NEK10: variants seen among roughly 807,000 people sequenced by gnomAD.
NEK10 encodes the protein NIMA related kinase 10.
NEK10 carries 122 observed loss-of-function variants against 159.8 expected under a neutral mutation model. The observed-to-expected ratio is 0.76, with a 90% CI of 0.66 to 0.89. The LOEUF (loss-of-function observed/expected upper bound fraction) is 0.89. Among genes scored for constraint, NEK10 ranks in the 40% least tolerant of loss-of-function variants. The pLI, the probability that NEK10 is intolerant of heterozygous loss-of-function variation, is 0.00. For missense variants in NEK10, 1,342 were observed against 1,323.1 expected (o/e 1.01, Z -0.22); for synonymous variants, 466 against 457.1 (o/e 1.02, Z -0.25).
chr3:27,139,783 C>A (rs1215219410), intron 31 of NEK10, among the ~76,000 whole-genome samples: 1 of 152,146 alleles, frequency 6.6e-6, no homozygotes, highest in African/African-American at 2.4e-5. Flanking sequence ...GAGAGACGGG[C>A]TCATTGGGGT....
chr3:27,113,506 T>A (rs746429928), intron 35 of NEK10, among the ~76,000 whole-genome samples: 3 of 151,604 alleles, frequency 2.0e-5, no homozygotes, highest in Non-Finnish European at 2.9e-5. Context: ...TAAATGTGAT[T>A]CATTTTAATT....
At position 27,369,029 on chromosome 3, in the gene NEK10, A is replaced by G. The variant is rs1429447883; in HGVS notation, c.-38+196T>C. The G allele has an allele frequency of 2.6e-5, 4 of 152,268 alleles. No individual in the cohort carries two copies. Among genetic ancestry groups the G allele is most frequent in the Non-Finnish European group, 5.9e-5 (4 of 68,076 alleles). The allele number at this position is 152,268 out of a possible 1,614,324, so 9.4% of individuals were successfully genotyped here. ...CCATCCATCCGTCCAACACAAACCC[A>G]CCTGCTTTGAAAAGACTGCCTCACG... On this transcript the variant is annotated intron_variant, in intron 1 of 35. Coordinates refer to ENST00000691995, the MANE Select transcript of NEK10 (RefSeq NM_001394966.1). The surrounding 1 kb of genome is among the most constrained non-coding windows in gnomAD (Gnocchi z 4.2).
chr3:27,132,789 A>G (rs1942772975), intron 31 of NEK10, among the ~76,000 whole-genome samples: 2 of 152,150 alleles, frequency 1.3e-5, no homozygotes, highest in Admixed American at 1.3e-4. Flanking sequence ...TGGAAATAAT[A>G]TTTGGTTTTG....
chr3:27,203,714 T>C (rs1458085201), intron 23 of NEK10, among the ~76,000 whole-genome samples: 2 of 152,090 alleles, frequency 1.3e-5, no homozygotes, highest in Non-Finnish European at 2.9e-5. Flanking sequence ...AATTTATAAA[T>C]TGGCATCAAA....
intron 13 of NEK10, among the ~76,000 whole-genome samples, chr3:27,298,396 C>T (rs545553036): frequency 3.3e-4 from 50 of 152,258 alleles, no homozygotes; most frequent in Non-Finnish European, 5.1e-4. Flanking sequence ...CCTTGCCTTC[C>T]GCCATGATTG....
intron 26 of NEK10, among the ~76,000 whole-genome samples, chr3:27,176,043 G>T (rs1186224097): frequency 6.6e-6 from 1 of 152,096 alleles, no homozygotes; most frequent in African/African-American, 2.4e-5. Flanking sequence ...AATAGAATTT[G>T]CAGATGAAGA....
At chr3:27,299,517 G>C (rs2043630247) in intron 13 of NEK10, among the ~76,000 whole-genome samples, 1 of 152,186 alleles carries the variant, frequency 6.6e-6, no homozygotes, top group African/African-American at 2.4e-5. Flanking sequence ...CCCACACAGA[G>C]TCCCTGCTGG....
intron 22 of NEK10, among the ~76,000 whole-genome samples, chr3:27,281,199 G>A (rs1328666521): frequency 6.6e-6 from 1 of 151,886 alleles, no homozygotes; most frequent in Non-Finnish European, 1.5e-5. Flanking sequence ...TTTAAATTAG[G>A]AGATCATTTT....
At chr3:27,250,025 C>T (rs540048692) in intron 23 of NEK10, among the ~76,000 whole-genome samples, 2 of 152,088 alleles carry the variant, frequency 1.3e-5, no homozygotes, top group Non-Finnish European at 2.9e-5. Context: ...ATTTTGTCCC[C>T]CCACTTTTTA....
chr3:27,266,404 G>A (rs533991147), intron 22 of NEK10, among the ~76,000 whole-genome samples: 1 of 152,060 alleles, frequency 6.6e-6, no homozygotes, highest in Non-Finnish European at 1.5e-5. Flanking sequence ...ATGGGGATTT[G>A]CAACTGTTCC....
At chr3:27,322,480 T>C (rs1362801531) in intron 5 of NEK10, among the ~76,000 whole-genome samples, 1 of 152,166 alleles carries the variant, frequency 6.6e-6, no homozygotes, top group African/African-American at 2.4e-5. Context: ...CCAAACTTAT[T>C]TGGTTCATGC....
chr3:27,171,740 A>G, intron 29 of NEK10, 79 bp downstream of exon 29: 1 of 1,457,658 alleles, frequency 6.9e-7, no homozygotes, highest in Non-Finnish European at 9.5e-7. Context: ...ACTTCTGGCT[A>G]TCAGGTTTCA....
rs532090809 is a variant in NEK10, at chr3:27,106,547, A to G, written c.*4725T>C. ...TACAAGCTTTATATTCTATTTCAGA[A>G]TCTTGACTCAAATGGCACTTGAAAT... On this transcript the variant is annotated 3_prime_UTR_variant, in exon 36 of 36. Transcript: ENST00000691995. Among the ~76,000 whole-genome samples the G allele has an allele frequency of 6.6e-6, 1 of 152,310 alleles. No homozygotes were observed. Among genetic ancestry groups the G allele is most frequent in the South Asian group, 2.1e-4 (1 of 4,832 alleles).
At chr3:27,166,848 T>C (rs1575077869) in intron 29 of NEK10, among the ~76,000 whole-genome samples, 1 of 152,028 alleles carries the variant, frequency 6.6e-6, no homozygotes, top group Non-Finnish European at 1.5e-5. Flanking sequence ...TAATCCCAGC[T>C]ACTAGGGAGG....
chr3:27,249,962 A>G (rs2149295368), intron 23 of NEK10, among the ~76,000 whole-genome samples: 1 of 152,280 alleles, frequency 6.6e-6, no homozygotes. Flanking sequence ...AACTGATGAT[A>G]CTGATTGCAT....
intron 32 of NEK10, 58 bp downstream of exon 32, chr3:27,131,822 G>T (rs1020258559): frequency 1.1e-5 from 10 of 889,608 alleles, no homozygotes; most frequent in Non-Finnish European, 1.8e-5. Flanking sequence ...GGTATAAAAT[G>T]TACCTCTTAT....
At chr3:27,143,859 G>C (rs1944028221) in intron 30 of NEK10, among the ~76,000 whole-genome samples, 2 of 152,092 alleles carry the variant, frequency 1.3e-5, no homozygotes, top group South Asian at 4.1e-4. Flanking sequence ...TCAAAACAGT[G>C]TTTTTCAAAC....
At chr3:27,274,775 G>A (rs1340463177) in intron 22 of NEK10, among the ~76,000 whole-genome samples, 6 of 152,022 alleles carry the variant, frequency 3.9e-5, no homozygotes, top group Non-Finnish European at 8.8e-5. Context: ...TTAGCTGGCT[G>A]GAAATGCTGA....
rs991027946 is a variant in NEK10, at chr3:27,278,881, C to A, written c.2014+5721G>T. The A allele has an allele frequency of 2.6e-5, 26 of 984,468 alleles. No individual in the cohort carries two copies. The Admixed American group carries it at 1.4e-3, about 54-fold the overall frequency. 61.0% of individuals were successfully genotyped at this position (984,468 alleles called of 1,614,324 possible). A position where few individuals can be genotyped will look rare whatever the true frequency, so the allele number is the denominator to read the frequency against. ...ATTTGGCAAGTGACAGTATTTAGGG[C>A]AAATGTTGACTGTGTCTCACCCCAT... On this transcript the variant is annotated intron_variant, in intron 22 of 35. Coordinates refer to ENST00000691995, the MANE Select transcript of NEK10 (RefSeq NM_001394966.1).
Sources: gnomAD v4.1 joint callset for allele counts (sites outside exome capture counted in the v4.1 genomes callset) on GRCh38, gnomAD v4.1.1 for gene constraint, Gnocchi (gnomAD v3.1) non-coding constraint, MANE v1.5 for transcripts, NCBI Gene and HGNC (gene_info 2026-07-23, HGNC 2026-07-21) for gene names.